Variants in SPIRE1 observed in about 807,000 individuals in gnomAD.
SPIRE1 encodes protein spire homolog 1.
Under a neutral mutation model 94.1 loss-of-function variants are expected in SPIRE1, and 40 were observed. The ratio of observed to expected loss-of-function variants is 0.43; its 90% CI spans 0.33 to 0.55. The LOEUF is 0.55. Among genes scored for constraint, SPIRE1 ranks in the 20% least tolerant of loss-of-function variants. The pLI is 0.06. For synonymous variants in SPIRE1, 376 were observed against 371.7 expected (o/e 1.01, Z -0.13); for missense variants, 838 against 975.2 (o/e 0.86, Z 1.87).
Position 12,463,204 on chromosome 18 carries a change from T to C in SPIRE1, c.1638+147A>G, listed in dbSNP as rs185631138. On this transcript the variant is annotated intron_variant, in intron 12 of 16. Coordinates refer to ENST00000409402, the MANE Select transcript of SPIRE1 (RefSeq NM_001128626.2). ...GGCACGAGCCACCACGCCTGGCTGTTTGTTTTCTTTAGCTATTAAGTAAGT... is the reference window on the plus strand; with the variant it reads ...GGCACGAGCCACCACGCCTGGCTGTCTGTTTTCTTTAGCTATTAAGTAAGT... 7.5e-4 allele frequency: 606 copies of C among 804,392 alleles called. 3 individuals are homozygous for C. Among genetic ancestry groups the C allele is most frequent in the South Asian group, 2.8e-3 (96 of 33,758 alleles). The allele number at this position is 804,392 out of a possible 1,614,324, so 49.8% of individuals were successfully genotyped here. A position where few individuals can be genotyped will look rare whatever the true frequency, so the allele number is the denominator to read the frequency against.
intron 3 of SPIRE1, among the ~76,000 whole-genome samples, chr18:12,535,846 T>G (rs191586454): frequency 1.3e-5 from 2 of 152,258 alleles, no homozygotes; most frequent in East Asian, 3.9e-4. Context: ...TCCCAGCTAC[T>G]CAGGAAGCTG....
chr18:12,654,688 C>T (rs117344104), intron 1 of SPIRE1, among the ~76,000 whole-genome samples: 1,986 of 151,932 alleles, frequency 0.013, 19 homozygotes, highest in Non-Finnish European at 0.019. Flanking sequence ...TTATTTTCCC[C>T]AACTCTTCCC....
chr18:12,543,107 C>T lies in SPIRE1; in HGVS notation c.603+3567G>A, dbSNP rs371340491. On this transcript the variant is annotated intron_variant, in intron 3 of 16. Transcript: ENST00000409402. ...CCTCCCAAAGTGCTGGGATTACAGG[C>T]GTGAGCCACCATGTCTGGCCCATGT... Among the ~76,000 whole-genome samples the T allele has an allele frequency of 4.4e-4, 67 of 152,304 alleles. 2 individuals are homozygous for T. The South Asian group carries it at 0.012, about 28-fold the overall frequency.
At chr18:12,492,356 A>T (rs2033265308) in intron 8 of SPIRE1, among the ~76,000 whole-genome samples, 1 of 152,236 alleles carries the variant, frequency 6.6e-6, no homozygotes, top group African/African-American at 2.4e-5. Flanking sequence ...TAGTCTTACA[A>T]ACTGAAAGAC....
At chr18:12,591,619 C>T (rs1369702283) in intron 2 of SPIRE1, among the ~76,000 whole-genome samples, 2 of 152,184 alleles carry the variant, frequency 1.3e-5, no homozygotes, top group East Asian at 1.9e-4. Flanking sequence ...TTTGCTAATA[C>T]ATTGACTGTT....
intron 1 of SPIRE1, among the ~76,000 whole-genome samples, chr18:12,646,270 C>T (rs973979489): frequency 1.3e-5 from 2 of 152,134 alleles, no homozygotes; most frequent in Non-Finnish European, 2.9e-5. Context: ...CTGTAACACT[C>T]GCCTACTGTC....
intron 3 of SPIRE1, among the ~76,000 whole-genome samples, chr18:12,539,328 T>C (rs1398084706): frequency 6.6e-6 from 1 of 152,132 alleles, no homozygotes. Flanking sequence ...GGAGTTTCCC[T>C]GCACAAGCTC....
intron 2 of SPIRE1, among the ~76,000 whole-genome samples, chr18:12,619,770 C>T (rs1426791273): frequency 6.9e-6 from 1 of 143,896 alleles, no homozygotes; most frequent in African/African-American, 2.5e-5. Context: ...CTCTTGAACC[C>T]GGGAGGTGGA....
At chr18:12,591,756 T>C (rs1467519390) in intron 2 of SPIRE1, among the ~76,000 whole-genome samples, 2 of 152,008 alleles carry the variant, frequency 1.3e-5, no homozygotes, top group Non-Finnish European at 2.9e-5. Context: ...GGTGGGCAGA[T>C]CACGAGGTCA....
intron 1 of SPIRE1, among the ~76,000 whole-genome samples, chr18:12,656,049 A>C (rs568375030): frequency 1.3e-4 from 19 of 151,464 alleles, no homozygotes; most frequent in African/African-American, 3.9e-4. Context: ...CAGCGGCACA[A>C]CACCACGCCC....
upstream of SPIRE1, chr18:12,658,826 CA>C: frequency 3.1e-6 from 1 of 322,320 alleles, no homozygotes; most frequent in Non-Finnish European, 6.3e-6. Flanking sequence ...TGACTTCTCC[CA>C]AAAGCTAAAC....
chr18:12,649,341 G>C (rs999729824), intron 1 of SPIRE1, among the ~76,000 whole-genome samples: 1 of 151,910 alleles, frequency 6.6e-6, no homozygotes, highest in Non-Finnish European at 1.5e-5. Flanking sequence ...TCCAGGAGCC[G>C]GGGGCTGCAG....
intron 5 of SPIRE1, among the ~76,000 whole-genome samples, 159 bp downstream of exon 5, chr18:12,512,295 C>G (rs757875286): frequency 5.9e-5 from 9 of 151,338 alleles, no homozygotes; most frequent in East Asian, 3.9e-4. Context: ...ACCCAGGAGG[C>G]GGGGGTTGCA....
rs184232591 is a variant in SPIRE1 at position 12,654,858 on chromosome 18, T to C, written c.337+2672A>G. Among the ~76,000 whole-genome samples, 44 of 151,626 alleles carry C rather than the reference T, an allele frequency of 2.9e-4. 1 individual carries two copies. The East Asian group carries it at 7.4e-3, about 25-fold the overall frequency. Reference sequence around the variant, plus strand: ...TCCTGGCCAACATGGCGAAACCCCATTTCTACCAAAAATACAAAAATTAGC... The same window carrying C: ...TCCTGGCCAACATGGCGAAACCCCACTTCTACCAAAAATACAAAAATTAGC... On this transcript the variant is annotated intron_variant, in intron 1 of 16. Transcript: ENST00000409402.
In SPIRE1 at chr18:12,448,525, C is replaced by T. The variant is rs2143462252; in HGVS notation, c.*1113G>A. ...TTTCGTCAGAAACCAAACCTACTCA[C>T]TCAAATCATTTACAAGGAAAACTAG... On this transcript the variant is annotated 3_prime_UTR_variant, in exon 17 of 17. Coordinates refer to ENST00000409402, the MANE Select transcript of SPIRE1 (RefSeq NM_001128626.2). The surrounding 1 kb of genome is among the most constrained non-coding windows in gnomAD (Gnocchi z 4.4). 6.6e-6 allele frequency: 1 copy of T among 152,330 alleles called. No individual in the cohort carries two copies. Among genetic ancestry groups the T allele is most frequent in the African/African-American group, 2.4e-5 (1 of 41,574 alleles). The allele number at this position is 152,330 out of a possible 1,614,324, so 9.4% of individuals were successfully genotyped here.
rs893588795 is a variant in SPIRE1 at position 12,584,887 on chromosome 18, CTCCTGCCTCAGCCTCCTGAGTAGCTG to C, written c.373-38009_373-37984del. ...CTCCGCCTCCTGGGTTCAAGCGATT[CTCCTGCCTCAGCCTCCTGAGTAGCTG>C]TCCTGCCTCAGCCTCCTGAGTAGCT... On this transcript the variant is annotated intron_variant, in intron 2 of 16. Transcript: ENST00000409402. Among the ~76,000 whole-genome samples, 9 of 152,290 alleles carry C rather than the reference CTCCTGCCTCAGCCTCCTGAGTAGCTG, an allele frequency of 5.9e-5. No homozygotes were observed. The South Asian group carries it at 8.3e-4, about 14-fold the overall frequency.
chr18:12,546,191 G>A (rs2035161450), intron 3 of SPIRE1, among the ~76,000 whole-genome samples: 1 of 152,034 alleles, frequency 6.6e-6, no homozygotes, highest in Admixed American at 6.6e-5. Context: ...GGGTTTGACC[G>A]TGTTAGCCAG....
At chr18:12,472,678 C>CGG (rs202244065) in intron 10 of SPIRE1, among the ~76,000 whole-genome samples, 75 of 145,002 alleles carry the variant, frequency 5.2e-4, no homozygotes, top group African/African-American at 1.6e-3. Context: ...CTTTTTTTTG[C>CGG]GGGGGGGGAC....
intron 4 of SPIRE1, among the ~76,000 whole-genome samples, chr18:12,529,372 A>AG (rs996323074): frequency 1.3e-5 from 2 of 151,566 alleles, no homozygotes; most frequent in African/African-American, 4.9e-5. Flanking sequence ...CCGTCTCAAA[A>AG]AAAAAAAAAA....
Sources: gnomAD v4.1 joint callset for allele counts (sites outside exome capture counted in the v4.1 genomes callset) on GRCh38, gnomAD v4.1.1 for gene constraint, Gnocchi (gnomAD v3.1) non-coding constraint, MANE v1.5 for transcripts, NCBI Gene and HGNC (gene_info 2026-07-23, HGNC 2026-07-21) for gene names.